Variants in SOX5 observed in about 807,000 individuals in gnomAD.
The protein encoded by SOX5 is SRY-box transcription factor 5.
A neutral mutation model predicts 92.0 loss-of-function variants in SOX5; 9 were observed. The ratio of observed to expected loss-of-function variants is 0.10; its 90% CI spans 0.06 to 0.17. The LOEUF is 0.17. Ranked by LOEUF, SOX5 falls within the 10% of genes least tolerant of loss-of-function variation. The probability of loss-of-function intolerance (pLI) is 1.00; values close to 1 mark genes in which losing one functional copy is unlikely to be tolerated. For synonymous variants in SOX5, 344 were observed against 336.3 expected (o/e 1.02, Z -0.25); for missense variants, 642 against 944.5 (o/e 0.68, Z 4.20).
chr12:23,839,039 G>A (rs2096478017), intron 3 of SOX5, among the ~76,000 whole-genome samples: 2 of 150,996 alleles, frequency 1.3e-5, no homozygotes, highest in South Asian at 2.1e-4. Context: ...AGTAGAGACA[G>A]GGTTTTACCA....
Position 24,061,754 on chromosome 12 carries a change from A to AC in SOX5, c.-2+151588_-2+151589insG, listed in dbSNP as rs367749974. The stretch of plus-strand genomic sequence containing the variant: ...TGCTTCAATATGACAGAAAAAAAAA[A>AC]AAAAAAAAACCTTTCTCTTTTCTGT... On this transcript the variant is annotated intron_variant, in intron 4 of 4. Transcript: ENST00000446891. Among the ~76,000 whole-genome samples, 54 of 122,740 alleles carry AC rather than the reference A, an allele frequency of 4.4e-4. 1 individual carries two copies. Among genetic ancestry groups the AC allele is most frequent in the African/African-American group, 1.4e-3 (48 of 35,300 alleles). The allele number at this position is 122,740 out of a possible 152,430, so 80.5% of individuals were successfully genotyped here.
At chr12:24,098,963 T>C (rs1945753571) in intron 4 of SOX5, among the ~76,000 whole-genome samples, 1 of 152,178 alleles carries the variant, frequency 6.6e-6, no homozygotes, top group African/African-American at 2.4e-5. Context: ...GGCTATTTGT[T>C]AGTTCTGGAA....
chr12:23,976,790 C>T (rs183093725), intron 4 of SOX5, among the ~76,000 whole-genome samples: 11 of 151,726 alleles, frequency 7.2e-5, no homozygotes, highest in Non-Finnish European at 1.5e-4. Flanking sequence ...ACTGGAAACT[C>T]GCGACTTGTT....
chr12:24,454,222 G>C (rs941955721), intron 1 of SOX5, among the ~76,000 whole-genome samples: 2 of 152,200 alleles, frequency 1.3e-5, no homozygotes, highest in Non-Finnish European at 2.9e-5. Context: ...CTAATGAGGA[G>C]AGAATAGAGA....
In SOX5 at chr12:24,007,797, A is replaced by G. The variant is rs1295613604; in HGVS notation, c.-1-111773T>C. On this transcript the variant is annotated intron_variant, in intron 4 of 4. Coordinates refer to the SOX5 transcript ENST00000446891. ...TTTATATATACACATACGCACGCAC[A>G]CACACACACACACACACACACACAC... Among the ~76,000 whole-genome samples, 100 of 13,916 alleles carry G rather than the reference A, an allele frequency of 7.2e-3. 4 individuals are homozygous for G. In the South Asian group the frequency reaches 0.1, roughly 14 times the overall value. 9.1% of individuals were successfully genotyped at this position (13,916 alleles called of 152,430 possible). A position where few individuals can be genotyped will look rare whatever the true frequency, so the allele number is the denominator to read the frequency against.
intron 1 of SOX5, among the ~76,000 whole-genome samples, chr12:24,550,222 C>T (rs973010701): frequency 2.6e-5 from 4 of 152,188 alleles, no homozygotes; most frequent in Admixed American, 6.5e-5. Flanking sequence ...CATCAATCAA[C>T]ATCAGTGTCA....
chr12:23,719,517 A>C (rs2092690235), intron 6 of SOX5, among the ~76,000 whole-genome samples: 1 of 152,110 alleles, frequency 6.6e-6, no homozygotes, highest in African/African-American at 2.4e-5. Context: ...AAGCCGAGGC[A>C]TGAGGAACCC....
chr12:23,905,349 C>T (rs2097280788), intron 1 of SOX5, among the ~76,000 whole-genome samples: 1 of 152,096 alleles, frequency 6.6e-6, no homozygotes, highest in Non-Finnish European at 1.5e-5. Context: ...AACTGTAAAT[C>T]ACTAAAATTT....
intron 1 of SOX5, among the ~76,000 whole-genome samples, chr12:23,901,554 G>A (rs946997697): frequency 3.3e-5 from 5 of 152,242 alleles, no homozygotes; most frequent in Non-Finnish European, 7.4e-5. Flanking sequence ...CTGCTCAAAC[G>A]TTATTTCCTC....
intron 2 of SOX5, among the ~76,000 whole-genome samples, chr12:23,863,366 T>G (rs1248913240): frequency 1.3e-5 from 2 of 152,208 alleles, no homozygotes; most frequent in Non-Finnish European, 2.9e-5. Flanking sequence ...CGCTATTTCT[T>G]TGATTCTTTC....
chr12:24,274,551 A>G (rs111554651), intron 3 of SOX5, among the ~76,000 whole-genome samples: 1,665 of 152,298 alleles, frequency 0.011, 16 homozygotes, highest in Non-Finnish European at 0.018. Context: ...GTAAACAGGT[A>G]TAAGTGGTAC....
intron 1 of SOX5, among the ~76,000 whole-genome samples, chr12:24,421,521 T>G (rs768877700): frequency 3.9e-5 from 6 of 152,194 alleles, no homozygotes; most frequent in Non-Finnish European, 7.3e-5. Context: ...ATTAAAATAT[T>G]AGGGACATCC....
At chr12:24,232,626 T>TATGA (rs920708394) in intron 3 of SOX5, among the ~76,000 whole-genome samples, 1 of 152,150 alleles carries the variant, frequency 6.6e-6, no homozygotes, top group Non-Finnish European at 1.5e-5. Flanking sequence ...AATGACTTGA[T>TATGA]ATGAGTCAAA....
At chr12:23,633,598 C>T (rs1299183100) in intron 8 of SOX5, among the ~76,000 whole-genome samples, 1 of 150,786 alleles carries the variant, frequency 6.6e-6, no homozygotes, top group Non-Finnish European at 1.5e-5. Flanking sequence ...AAAAAGAGTA[C>T]TTGAGGATGA....
At chr12:23,610,132 T>C (rs1384471559) in intron 8 of SOX5, among the ~76,000 whole-genome samples, 2 of 152,212 alleles carry the variant, frequency 1.3e-5, no homozygotes, top group African/African-American at 4.8e-5. Context: ...ATTAAATCAA[T>C]CATGCTTTTA....
At chr12:23,642,181 G>C (rs140128867) in intron 7 of SOX5, among the ~76,000 whole-genome samples, 2 of 152,212 alleles carry the variant, frequency 1.3e-5, no homozygotes, top group Non-Finnish European at 2.9e-5. Flanking sequence ...GTTTGTGTGC[G>C]TGTCTGAGCA....
At chr12:24,115,390 T>C (rs1318112691) in intron 4 of SOX5, among the ~76,000 whole-genome samples, 1 of 152,208 alleles carries the variant, frequency 6.6e-6, no homozygotes, top group Admixed American at 6.5e-5. Context: ...TGAAATCATT[T>C]TGACACATAA....
chr12:24,397,126 T>C (rs1180809448), intron 1 of SOX5, among the ~76,000 whole-genome samples: 2 of 152,224 alleles, frequency 1.3e-5, no homozygotes, highest in Non-Finnish European at 2.9e-5. Flanking sequence ...CATTCTAACA[T>C]GATCATCTAG....
chr12:24,049,412 G>A (rs1337677106), intron 4 of SOX5, among the ~76,000 whole-genome samples: 1 of 152,176 alleles, frequency 6.6e-6, no homozygotes, highest in East Asian at 1.9e-4. Context: ...TGTGTAGACA[G>A]CCACAAAGAA....
Sources: allele counts gnomAD v4.1 joint callset (sites outside exome capture counted in the v4.1 genomes callset), GRCh38; gene constraint gnomAD v4.1.1; transcripts MANE v1.5; gene names NCBI Gene and HGNC (gene_info 2026-07-23, HGNC 2026-07-21).